The following PTPRD variants were observed in gnomAD, a reference collection of about 807,000 sequenced individuals.
PTPRD encodes the protein receptor-type tyrosine-protein phosphatase delta.
PTPRD carries 34 observed loss-of-function variants against 214.5 expected under a neutral mutation model. That is an observed-to-expected ratio of 0.16 (90% confidence interval 0.12 to 0.21). PTPRD has a LOEUF of 0.21. Ranked by LOEUF, PTPRD falls within the 10% of genes least tolerant of loss-of-function variation. The pLI is 1.00. For synonymous variants in PTPRD, 1,128 were observed against 845.7 expected (o/e 1.33, Z -5.79); for missense variants, 2,545 against 2,398.7 (o/e 1.06, Z -1.27).
intron 10 of PTPRD, among the ~76,000 whole-genome samples, chr9:9,162,321 C>G (rs772010364): frequency 2.6e-5 from 4 of 152,082 alleles, no homozygotes; most frequent in African/African-American, 7.2e-5. Flanking sequence ...AACTTAATTC[C>G]CATTCCTGAC....
At chr9:9,545,824 T>C (rs1185117879) in intron 8 of PTPRD, among the ~76,000 whole-genome samples, 1 of 151,846 alleles carries the variant, frequency 6.6e-6, no homozygotes, top group Non-Finnish European at 1.5e-5. Context: ...TTTATTGATA[T>C]CTACAAAATA....
At chr9:9,318,536 G>A (rs1964653031) in intron 9 of PTPRD, among the ~76,000 whole-genome samples, 1 of 152,058 alleles carries the variant, frequency 6.6e-6, no homozygotes, top group African/African-American at 2.4e-5. Flanking sequence ...AATACTACTA[G>A]CATCCAAATA....
chr9:8,997,963 C>T (rs1187052622), intron 11 of PTPRD, among the ~76,000 whole-genome samples: 1 of 152,046 alleles, frequency 6.6e-6, no homozygotes, highest in Non-Finnish European at 1.5e-5. Flanking sequence ...AGCCCTAACT[C>T]TCTTTAATTC....
intron 11 of PTPRD, among the ~76,000 whole-genome samples, chr9:8,807,239 A>G (rs113987826): frequency 4.6e-5 from 7 of 152,270 alleles, no homozygotes; most frequent in African/African-American, 1.4e-4. Context: ...TGTGAGGCTG[A>G]GGCAGGAGAA....
intron 10 of PTPRD, among the ~76,000 whole-genome samples, chr9:9,097,108 C>T (rs373195224): frequency 2.0e-5 from 3 of 152,300 alleles, no homozygotes; most frequent in African/African-American, 7.2e-5. Context: ...GGTTTGCATA[C>T]AAGCAGGGCA....
At chr9:9,711,736 G>C (rs868555378) in intron 7 of PTPRD, among the ~76,000 whole-genome samples, 4 of 152,268 alleles carry the variant, frequency 2.6e-5, no homozygotes, top group Admixed American at 6.5e-5. Flanking sequence ...ACACTGCTAA[G>C]CGTTCTGTAA....
chr9:8,651,896 A>T (rs1232641135), intron 12 of PTPRD, among the ~76,000 whole-genome samples: 2 of 152,194 alleles, frequency 1.3e-5, no homozygotes, highest in African/African-American at 4.8e-5. Flanking sequence ...TTCTTGAAAC[A>T]ATTTTCAGTT....
chr9:9,608,158 CA>C (rs2094299698), intron 7 of PTPRD, among the ~76,000 whole-genome samples: 1 of 152,076 alleles, frequency 6.6e-6, no homozygotes, highest in African/African-American at 2.4e-5. Flanking sequence ...CATTGATTGA[CA>C]TAAGAATTAA....
At chr9:8,780,219 C>A (rs190401677) in intron 11 of PTPRD, among the ~76,000 whole-genome samples, 13 of 152,260 alleles carry the variant, frequency 8.5e-5, no homozygotes, top group African/African-American at 2.9e-4. Context: ...AGTAAAAATT[C>A]TAGATAATTA....
intron 9 of PTPRD, among the ~76,000 whole-genome samples, chr9:9,361,294 T>G (rs749469034): frequency 1.3e-5 from 2 of 151,138 alleles, no homozygotes; most frequent in Admixed American, 6.6e-5. Flanking sequence ...CGGGGATATC[T>G]TTCAAAAATA....
intron 2 of PTPRD, among the ~76,000 whole-genome samples, chr9:10,523,896 T>C (rs1410411414): frequency 4.6e-5 from 7 of 151,808 alleles, no homozygotes; most frequent in African/African-American, 1.7e-4. Context: ...GCTCATTCAG[T>C]GTGTTTGGGC....
intron 33 of PTPRD, among the ~76,000 whole-genome samples, chr9:8,455,321 T>C (rs2133865699): frequency 6.6e-6 from 1 of 152,364 alleles, no homozygotes; most frequent in Non-Finnish European, 1.5e-5. Context: ...GAACATGTAT[T>C]TTCCTAGTCT....
chr9:10,271,534 C>CTTTTTTTTTTTTTTTTTTTTTTT (rs1251429330), intron 3 of PTPRD, among the ~76,000 whole-genome samples: 3 of 86,572 alleles, frequency 3.5e-5, no homozygotes, highest in African/African-American at 3.1e-5. Flanking sequence ...TCAATTGTTT[C>CTTTTTTTTTTTTTTTTTTTTTTT]TTTTCTTTTC....
At chr9:9,128,516 C>G (rs10977505) in intron 10 of PTPRD, among the ~76,000 whole-genome samples, 1 of 152,124 alleles carries the variant, frequency 6.6e-6, no homozygotes, top group Non-Finnish European at 1.5e-5. Context: ...TATTTTGTGG[C>G]TAAATGATAC....
intron 14 of PTPRD, among the ~76,000 whole-genome samples, chr9:8,602,409 T>G (rs924867441): frequency 1.3e-5 from 2 of 152,230 alleles, no homozygotes; most frequent in East Asian, 3.8e-4. Flanking sequence ...CAACAGCAAC[T>G]GTGACTCTTG....
intron 10 of PTPRD, among the ~76,000 whole-genome samples, chr9:9,079,831 G>T (rs532594762): frequency 6.6e-6 from 1 of 152,184 alleles, no homozygotes; most frequent in South Asian, 2.1e-4. Context: ...GACAAAGGTA[G>T]ATTAAGGAGA....
chr9:9,261,775 T>C (rs973655222), intron 9 of PTPRD, among the ~76,000 whole-genome samples: 5 of 151,818 alleles, frequency 3.3e-5, no homozygotes, highest in Non-Finnish European at 5.9e-5. Context: ...TAGCTATATC[T>C]GTTTTTGGCT....
rs1369325592 is a variant in PTPRD, at chr9:8,314,397, G to C, written c.*3477C>G. 6 of 229,912 alleles carry C rather than the reference G, an allele frequency of 2.6e-5. No homozygotes were observed. In the East Asian group the frequency reaches 3.1e-4, roughly 12 times the overall value. 14.2% of individuals were successfully genotyped at this position (229,912 alleles called of 1,614,324 possible). ...CTTTCATTCTGTAAAACATTTACGC[G>C]TACTACTAATTAGAGGTAATTGTAT... On this transcript the variant is annotated 3_prime_UTR_variant, in exon 46 of 46. Coordinates refer to ENST00000381196, the MANE Select transcript of PTPRD (RefSeq NM_002839.4).
chr9:8,912,731 C>T (rs760499011), intron 11 of PTPRD, among the ~76,000 whole-genome samples: 6 of 152,032 alleles, frequency 3.9e-5, no homozygotes, highest in Non-Finnish European at 7.4e-5. Flanking sequence ...AAAATATATT[C>T]ATTGTTTAGT....
Sources: allele counts gnomAD v4.1 joint callset (sites outside exome capture counted in the v4.1 genomes callset), GRCh38; gene constraint gnomAD v4.1.1; transcripts MANE v1.5; gene names NCBI Gene and HGNC (gene_info 2026-07-23, HGNC 2026-07-21).